TRPM3: variants seen among roughly 807,000 people sequenced by gnomAD.
TRPM3 encodes the protein transient receptor potential cation channel subfamily M member 3, also known as long transient receptor potential channel 3.
TRPM3 carries 77 observed loss-of-function variants against 181.2 expected under a neutral mutation model. The ratio of observed to expected loss-of-function variants is 0.42; its 90% CI spans 0.35 to 0.51. The LOEUF (loss-of-function observed/expected upper bound fraction) is 0.51. Ranked by LOEUF, TRPM3 falls within the 20% of genes least tolerant of loss-of-function variation. The probability of loss-of-function intolerance (pLI) is 0.01; values close to 1 mark genes in which losing one functional copy is unlikely to be tolerated. For missense variants in TRPM3, 1,759 were observed against 2,196.7 expected (o/e 0.80, Z 3.98); for synonymous variants, 745 against 796.4 (o/e 0.94, Z 1.09).
At chr9:71,231,343 G>T (rs2081037500) in intron 1 of TRPM3, among the ~76,000 whole-genome samples, 1 of 152,178 alleles carries the variant, frequency 6.6e-6, no homozygotes, top group Non-Finnish European at 1.5e-5. Flanking sequence ...GGGTAAAAGA[G>T]AGAGAGAGGG....
intron 1 of TRPM3, among the ~76,000 whole-genome samples, chr9:71,120,783 C>A (rs573937928): frequency 4.8e-4 from 73 of 152,268 alleles, no homozygotes; most frequent in Non-Finnish European, 8.8e-4. Flanking sequence ...AGGGCTTCCC[C>A]AGGGAGAGAG....
intron 1 of TRPM3, among the ~76,000 whole-genome samples, chr9:71,441,710 G>A (rs569037811): frequency 1.9e-3 from 284 of 145,892 alleles, no homozygotes; most frequent in African/African-American, 6.9e-3. Context: ...TCGGCTCACT[G>A]CAACCTCTGC....
At position 71,414,773 on chromosome 9, in the gene TRPM3, G is replaced by A. The variant is rs547499310; in HGVS notation, c.183+31880C>T. 2.6e-5 allele frequency among the ~76,000 whole-genome samples: 4 copies of A among 152,092 alleles called. No homozygotes were observed. The South Asian group carries it at 8.3e-4, about 32-fold the overall frequency. Reference sequence around the variant, plus strand: ...ATTATTGTGAATTACAACACACACAGTCTTATGCAACATACTCAGTCTTTT... The same window carrying A: ...ATTATTGTGAATTACAACACACACAATCTTATGCAACATACTCAGTCTTTT... On this transcript the variant is annotated intron_variant, in intron 1 of 24. Coordinates refer to the TRPM3 transcript ENST00000357533.
At chr9:71,389,737 A>G in intron 1 of TRPM3, among the ~76,000 whole-genome samples, 1 of 152,146 alleles carries the variant, frequency 6.6e-6, no homozygotes, top group South Asian at 2.1e-4. Context: ...TCAGGAATGG[A>G]AAACCAAAGA....
At chr9:71,360,005 T>A (rs910200473) in intron 1 of TRPM3, among the ~76,000 whole-genome samples, 1 of 152,160 alleles carries the variant, frequency 6.6e-6, no homozygotes, top group Non-Finnish European at 1.5e-5. Flanking sequence ...GGGAATTCAG[T>A]GAACACTTAT....
chr9:71,209,237 A>G (rs1361918639), intron 1 of TRPM3, among the ~76,000 whole-genome samples: 5 of 152,046 alleles, frequency 3.3e-5, no homozygotes, highest in Non-Finnish European at 7.3e-5. Context: ...AAGCAAAATG[A>G]TTTCTTAAAT....
At chr9:71,256,137 A>C (rs930250388) in intron 1 of TRPM3, among the ~76,000 whole-genome samples, 2 of 152,214 alleles carry the variant, frequency 1.3e-5, no homozygotes, top group African/African-American at 4.8e-5. Context: ...AGTAATCTTC[A>C]AAGTTACAAA....
intron 1 of TRPM3, among the ~76,000 whole-genome samples, chr9:71,178,380 G>A (rs913084807): frequency 1.3e-5 from 2 of 152,214 alleles, no homozygotes; most frequent in African/African-American, 4.8e-5. Context: ...AATTTGAAAT[G>A]AAAGGGGGAG....
chr9:71,017,000 A>G (rs572464033), intron 1 of TRPM3, among the ~76,000 whole-genome samples: 3 of 152,228 alleles, frequency 2.0e-5, no homozygotes, highest in African/African-American at 4.8e-5. Flanking sequence ...TTTATACTAC[A>G]AAGTTATAAA....
intron 9 of TRPM3, among the ~76,000 whole-genome samples, chr9:70,660,416 G>T (rs2060956421): frequency 6.6e-6 from 1 of 152,062 alleles, no homozygotes; most frequent in Non-Finnish European, 1.5e-5. Context: ...GCTTCGAGTT[G>T]TCCTGCCTCT....
intron 1 of TRPM3, among the ~76,000 whole-genome samples, chr9:71,096,590 A>ACACACACACACTCTCTCT (rs1452142664): frequency 2.2e-5 from 2 of 89,998 alleles, no homozygotes; most frequent in African/African-American, 5.2e-5. Flanking sequence ...ACACACACAC[A>ACACACACACACTCTCTCT]CTCTCTCTCT....
chr9:71,219,488 T>C (rs1472238729), intron 1 of TRPM3, among the ~76,000 whole-genome samples: 1 of 152,172 alleles, frequency 6.6e-6, no homozygotes, highest in African/African-American at 2.4e-5. Context: ...GAAAAAGTAG[T>C]TGCCATGCAT....
At chr9:70,611,727 T>C (rs1371214025) in intron 18 of TRPM3, among the ~76,000 whole-genome samples, 1 of 152,216 alleles carries the variant, frequency 6.6e-6, no homozygotes, top group Non-Finnish European at 1.5e-5. Context: ...ACTAGTTTTA[T>C]GGAAGTTCCT....
intron 1 of TRPM3, among the ~76,000 whole-genome samples, chr9:71,232,203 A>G (rs866014790): frequency 6.6e-6 from 1 of 152,156 alleles, no homozygotes; most frequent in Non-Finnish European, 1.5e-5. Flanking sequence ...TGAGCTTCCA[A>G]TCTAGCAATG....
At chr9:71,225,584 G>T (rs988936091) in intron 1 of TRPM3, among the ~76,000 whole-genome samples, 2 of 152,128 alleles carry the variant, frequency 1.3e-5, no homozygotes, top group Non-Finnish European at 2.9e-5. Context: ...ACAGAATAGT[G>T]TAACTCTATA....
At chr9:70,686,998 T>A (rs931753469) in intron 8 of TRPM3, among the ~76,000 whole-genome samples, 8 of 151,580 alleles carry the variant, frequency 5.3e-5, no homozygotes, top group African/African-American at 1.7e-4. Flanking sequence ...TTTTTGTATG[T>A]TTTTTAGAGA....
chr9:70,656,908 A>G (rs561665497), intron 9 of TRPM3, among the ~76,000 whole-genome samples: 2 of 146,408 alleles, frequency 1.4e-5, no homozygotes, highest in South Asian at 4.4e-4. Flanking sequence ...AGAGATGTAA[A>G]GAAAGTTATA....
Position 71,033,756 on chromosome 9 carries a change from A to T in TRPM3, c.177+87422T>A, listed in dbSNP as rs528341290. Among the ~76,000 whole-genome samples the T allele has an allele frequency of 2.0e-5, 3 of 152,274 alleles. No individual in the cohort carries two copies. The East Asian group carries it at 5.8e-4, about 29-fold the overall frequency. ...TTTGTTGTACATTTCTATGATTATC[A>T]TATACTTGATGAATTTTTATTTGAT... On this transcript the variant is annotated intron_variant, in intron 1 of 25. Coordinates refer to ENST00000677713, the MANE Select transcript of TRPM3 (RefSeq NM_001366145.2).
chr9:71,032,973 G>A (rs770506281), intron 1 of TRPM3, among the ~76,000 whole-genome samples: 2 of 152,180 alleles, frequency 1.3e-5, no homozygotes, highest in Middle Eastern at 3.4e-3. Flanking sequence ...GCTTTACTTA[G>A]TGCCAATTAT....
Sources: gnomAD v4.1 joint callset for allele counts (sites outside exome capture counted in the v4.1 genomes callset) on GRCh38, gnomAD v4.1.1 for gene constraint, MANE v1.5 for transcripts, NCBI Gene and HGNC (gene_info 2026-07-23, HGNC 2026-07-21) for gene names.